THRB: variants seen among roughly 807,000 people sequenced by gnomAD.
The protein encoded by THRB is nuclear receptor subfamily 1 group A member 2.
In THRB, 12 loss-of-function variants were observed where a neutral mutation model predicts 47.8. That is an observed-to-expected ratio of 0.25 (90% confidence interval 0.16 to 0.41). The LOEUF is 0.41. Ranked by LOEUF, THRB falls within the 10% of genes least tolerant of loss-of-function variation. The pLI is 1.00. For synonymous variants in THRB, 218 were observed against 212.2 expected, an observed-to-expected ratio of 1.03 and a Z score of -0.24; for missense variants, 348 against 589.2, an observed-to-expected ratio of 0.59 and a Z score of 4.24.
chr3:24,213,115 TGA>T (rs1185267712), intron 4 of THRB, among the ~76,000 whole-genome samples: 1 of 152,102 alleles, frequency 6.6e-6, no homozygotes, highest in Admixed American at 6.5e-5. Context: ...CAAGAGTTTC[TGA>T]GAGAGAGAAG....
chr3:24,348,558 C>T (rs1258631087), intron 1 of THRB: 1 of 152,244 alleles, frequency 6.6e-6, no homozygotes, highest in African/African-American at 2.4e-5. Context: ...GCCCGCTCAC[C>T]TGGCCCTTTT....
At chr3:24,124,088 C>T (rs968377684) in intron 10 of THRB, among the ~76,000 whole-genome samples, 4 of 152,176 alleles carry the variant, frequency 2.6e-5, no homozygotes, top group African/African-American at 7.2e-5. Flanking sequence ...TTCTTTGTGG[C>T]TCTGATCAAA....
At chr3:24,196,069 TG>T (rs2043922230) in intron 4 of THRB, among the ~76,000 whole-genome samples, 1 of 152,096 alleles carries the variant, frequency 6.6e-6, no homozygotes, top group Non-Finnish European at 1.5e-5. Flanking sequence ...AAAATTTGTA[TG>T]GGGGTGGGGA....
chr3:24,149,826 A>T (rs866848398), intron 6 of THRB, among the ~76,000 whole-genome samples: 12 of 152,208 alleles, frequency 7.9e-5, no homozygotes, highest in African/African-American at 2.7e-4. Flanking sequence ...TACTTATTTT[A>T]AAAAAATCCT....
At chr3:24,412,056 C>T (rs143810471) in intron 1 of THRB, among the ~76,000 whole-genome samples, 1 of 151,822 alleles carries the variant, frequency 6.6e-6, no homozygotes, top group Non-Finnish European at 1.5e-5. Context: ...AAGATATAAA[C>T]ATGACATGTA....
intron 2 of THRB, among the ~76,000 whole-genome samples, chr3:24,322,146 G>T (rs2058527308): frequency 6.6e-6 from 1 of 151,888 alleles, no homozygotes; most frequent in Non-Finnish European, 1.5e-5. Context: ...TATAATGTAA[G>T]AAACAAGATA....
At chr3:24,390,798 AT>A (rs201081077) in intron 1 of THRB, among the ~76,000 whole-genome samples, 98 of 58,206 alleles carry the variant, frequency 1.7e-3, no homozygotes, top group South Asian at 6.8e-3. Context: ...AAAAAAAAAA[AT>A]ATATATATAT....
chr3:24,442,618 A>T (rs1311325185), intron 1 of THRB, among the ~76,000 whole-genome samples: 1 of 152,146 alleles, frequency 6.6e-6, no homozygotes, highest in African/African-American at 2.4e-5. Flanking sequence ...TGAGGTCGGG[A>T]GCTCGAGACC....
At chr3:24,242,306 G>A (rs937713420) in intron 3 of THRB, among the ~76,000 whole-genome samples, 6 of 152,116 alleles carry the variant, frequency 3.9e-5, no homozygotes, top group Admixed American at 3.3e-4. Context: ...TAAATTCCAT[G>A]CTCCCAGCAT....
intron 1 of THRB, among the ~76,000 whole-genome samples, chr3:24,424,489 T>C (rs1259427288): frequency 6.6e-6 from 1 of 151,938 alleles, no homozygotes; most frequent in Non-Finnish European, 1.5e-5. Flanking sequence ...TGAAAATTCT[T>C]TGGTTCCACC....
chr3:24,259,218 A>G (rs2051660116), intron 3 of THRB, among the ~76,000 whole-genome samples: 1 of 152,182 alleles, frequency 6.6e-6, no homozygotes, highest in Non-Finnish European at 1.5e-5. Flanking sequence ...CACAAAGACA[A>G]GCTGGCCAAG....
intron 2 of THRB, among the ~76,000 whole-genome samples, chr3:24,309,688 T>C (rs982030037): frequency 2.0e-5 from 3 of 152,222 alleles, no homozygotes; most frequent in African/African-American, 7.2e-5. Context: ...GGAGCATCAT[T>C]TCCTTTTTTG....
intron 1 of THRB, among the ~76,000 whole-genome samples, chr3:24,480,815 T>C (rs893940331): frequency 2.0e-5 from 3 of 152,348 alleles, no homozygotes; most frequent in East Asian, 3.9e-4. Flanking sequence ...AATTCTGAGA[T>C]GCTAAAAATC....
intron 5 of THRB, chr3:24,165,612 G>A (rs911066427): frequency 2.4e-6 from 1 of 420,298 alleles, no homozygotes; most frequent in Non-Finnish European, 4.2e-6. Flanking sequence ...AAACATATTG[G>A]AAAGCAGATT....
At position 24,198,464 on chromosome 3, in the gene THRB, C is replaced by G. The variant is rs1411804170; in HGVS notation, c.23-8130G>C. Among the ~76,000 whole-genome samples the G allele has an allele frequency of 7.7e-4, 50 of 65,136 alleles. 1 individual carries two copies. The highest frequency in any genetic ancestry group is 3.0e-3 in the African/African-American group (48 of 16,158). The allele number at this position is 65,136 out of a possible 152,430, so 42.7% of individuals were successfully genotyped here. A position where few individuals can be genotyped will look rare whatever the true frequency, so the allele number is the denominator to read the frequency against. On this transcript the variant is annotated intron_variant, in intron 4 of 10. Coordinates refer to ENST00000646209, the MANE Select transcript of THRB (RefSeq NM_001354712.2). Reference sequence around the variant, plus strand: ...AGTGTCTCCCCCCGCCCCCCCCCCCCCCTTTTTTTTTTAACTACTAGTAAT... The same window carrying G: ...AGTGTCTCCCCCCGCCCCCCCCCCCGCCTTTTTTTTTTAACTACTAGTAAT...
chr3:24,165,441 A>C, intron 5 of THRB: 1 of 678,512 alleles, frequency 1.5e-6, no homozygotes, highest in East Asian at 2.5e-5. Flanking sequence ...AGAGCTGGGC[A>C]TATACGCAGA....
chr3:24,196,997 A>AC (rs2044029253), intron 4 of THRB, among the ~76,000 whole-genome samples: 2 of 152,228 alleles, frequency 1.3e-5, no homozygotes, highest in Non-Finnish European at 2.9e-5. Flanking sequence ...TCCATGTGCT[A>AC]CCTTCTACCT....
intron 3 of THRB, among the ~76,000 whole-genome samples, chr3:24,269,403 G>GCGCGCACACA (rs1175063428): frequency 5.5e-5 from 4 of 72,682 alleles, no homozygotes; most frequent in African/African-American, 1.8e-4. Context: ...GCGCGCGCGC[G>GCGCGCACACA]CACACACACA....
chr3:24,241,731 G>A (rs1036115627), intron 3 of THRB, among the ~76,000 whole-genome samples: 4 of 152,078 alleles, frequency 2.6e-5, no homozygotes, highest in African/African-American at 7.2e-5. Context: ...TTCTTAGAGC[G>A]GGGTTCTCAA....
Sources: gnomAD v4.1 joint callset for allele counts (sites outside exome capture counted in the v4.1 genomes callset) on GRCh38, gnomAD v4.1.1 for gene constraint, MANE v1.5 for transcripts, NCBI Gene and HGNC (gene_info 2026-07-23, HGNC 2026-07-21) for gene names.